Variants in CEP85L observed in about 807,000 individuals in gnomAD.
The protein encoded by CEP85L is centrosomal protein of 85 kDa-like.
CEP85L carries 60 observed loss-of-function variants against 100.3 expected under a neutral mutation model. The observed-to-expected ratio is 0.60, with a 90% CI of 0.49 to 0.74. CEP85L has a LOEUF of 0.74. Ranked by LOEUF, CEP85L falls within the 30% of genes least tolerant of loss-of-function variation. The pLI is 0.00. For synonymous variants in CEP85L, 319 were observed against 322.7 expected, an observed-to-expected ratio of 0.99 and a Z score of 0.12; for missense variants, 973 against 936.2, an observed-to-expected ratio of 1.04 and a Z score of -0.51.
Position 118,565,755 on chromosome 6 carries a change from A to G in CEP85L, c.794T>C (p.Ile265Thr), listed in dbSNP as rs770716888. The change falls in exon 3 of 13, where the codon ATT becomes ACT. Residue 265 changes from isoleucine to threonine, a missense_variant. Coordinates refer to ENST00000368491, the MANE Select transcript of CEP85L (RefSeq NM_001042475.3). Reference protein sequence around the residue: ...TYSALPESKPIMTSSEAFEPP... With the variant: ...TYSALPESKPTMTSSEAFEPP... ...TTCAAAAGCCTCTGAGCTTGTCATA[A>G]TGGGCTTGCTTTCAGGTAAGGCACT... is the stretch of plus-strand genomic sequence containing the variant. 1.2e-6 allele frequency: 2 copies of G among 1,614,158 alleles called. No homozygotes were observed. The highest frequency in any genetic ancestry group is 2.7e-5 in the African/African-American group (2 of 75,042).
At chr6:118,696,302 T>C (rs1488734325) in intron 1 of CEP85L, among the ~76,000 whole-genome samples, 1 of 149,836 alleles carries the variant, frequency 6.7e-6, no homozygotes, top group Non-Finnish European at 1.5e-5. Flanking sequence ...GAAAAAGAAA[T>C]GTTAGACAGG....
chr6:118,544,619 A>G (rs541007032), intron 3 of CEP85L, among the ~76,000 whole-genome samples: 1 of 152,238 alleles, frequency 6.6e-6, no homozygotes, highest in African/African-American at 2.4e-5. Flanking sequence ...GGCCTCTCTT[A>G]ATGTCAATGC....
In CEP85L at chr6:118,465,431, T is replaced by G. The variant is rs1772440824; in HGVS notation, c.2392A>C (p.Met798Leu). The G allele has an allele frequency of 6.2e-7, 1 of 1,613,440 alleles. No homozygotes were observed. Among genetic ancestry groups the G allele is most frequent in the Non-Finnish European group, 8.5e-7 (1 of 1,179,534 alleles). The change falls in exon 13 of 13, where the codon ATG becomes CTG. Residue 798 changes from methionine to leucine, a missense_variant. Transcript: ENST00000368491. ...TTISDRYAQD[M>L]GDNCITQ The stretch of plus-strand genomic sequence containing the variant: ...CACTGAGTAATGCAGTTGTCTCCCA[T>G]GTCCTGAGCATAGCGGTCTGATATT...
chr6:118,582,157 A>T (rs1780613078), intron 2 of CEP85L, among the ~76,000 whole-genome samples: 1 of 152,136 alleles, frequency 6.6e-6, no homozygotes, highest in African/African-American at 2.4e-5. Context: ...CAGCTCCTCC[A>T]GCTCCACTAT....
At chr6:118,596,956 C>G (rs185789071) in intron 2 of CEP85L, among the ~76,000 whole-genome samples, 8 of 152,248 alleles carry the variant, frequency 5.3e-5, no homozygotes, top group Admixed American at 5.2e-4. Flanking sequence ...GTGGGAGGGA[C>G]CCAGTGGGAG....
chr6:118,508,873 A>C (rs140435953), intron 5 of CEP85L, among the ~76,000 whole-genome samples: 5 of 152,200 alleles, frequency 3.3e-5, no homozygotes, highest in African/African-American at 9.6e-5. Flanking sequence ...CAAAGATCCA[A>C]AGTTAAAAAA....
intron 6 of CEP85L, among the ~76,000 whole-genome samples, chr6:118,484,979 T>A (rs1360584428): frequency 2.0e-5 from 3 of 152,190 alleles, no homozygotes; most frequent in African/African-American, 4.8e-5. Context: ...TTACTATTGA[T>A]GTCATTTTAG....
At chr6:118,636,340 G>C (rs1477244815) in intron 1 of CEP85L, among the ~76,000 whole-genome samples, 2 of 152,192 alleles carry the variant, frequency 1.3e-5, no homozygotes, top group African/African-American at 4.8e-5. Context: ...CCCAGAATCT[G>C]ACAATTCATG....
Position 118,632,554 on chromosome 6 carries a change from G to C in CEP85L, c.131C>G (p.Thr44Ser), listed in dbSNP as rs529696554. Residue 44 changes from threonine to serine, a missense_variant, in exon 2 of 13, where the codon ACT becomes AGT. By Grantham distance (58) the Thr-to-Ser change is moderately conservative (BLOSUM62 1). This residue lies in a region of CEP85L where 79 missense variants were observed against 73.3 expected (regional missense o/e 1.08). Transcript: ENST00000368491. ...GTTATTTCGATGGTTAGATGGAACAGTTGTGGCCTGCCACAATGATTCATT... is the reference window on the plus strand; with the variant it reads ...GTTATTTCGATGGTTAGATGGAACACTTGTGGCCTGCCACAATGATTCATT... ...PANESLWQATTVPSNHRNNHI... is the reference protein window; with the variant it reads ...PANESLWQATSVPSNHRNNHI... 8.1e-6 allele frequency: 13 copies of C among 1,613,090 alleles called. No homozygotes were observed. The Admixed American group carries it at 1.7e-4, about 21-fold the overall frequency.
chr6:118,526,437 G>A (rs1776968633), intron 3 of CEP85L, among the ~76,000 whole-genome samples: 1 of 152,150 alleles, frequency 6.6e-6, no homozygotes, highest in Non-Finnish European at 1.5e-5. Context: ...TCTTGTACAA[G>A]TCAGTCCCGC....
intron 1 of CEP85L, among the ~76,000 whole-genome samples, chr6:118,709,040 C>T (rs1415331418): frequency 1.3e-5 from 2 of 152,052 alleles, no homozygotes; most frequent in African/African-American, 2.4e-5. Flanking sequence ...AGAATAGCCC[C>T]GATTTTGTAC....
chr6:118,548,691 A>G (rs1203154880), intron 3 of CEP85L, among the ~76,000 whole-genome samples: 33 of 152,080 alleles, frequency 2.2e-4, no homozygotes, highest in Admixed American at 2.2e-3. Context: ...ATTTCTGCCA[A>G]TTAAAAAATC....
intron 8 of CEP85L, among the ~76,000 whole-genome samples, chr6:118,480,784 G>A (rs1447745865): frequency 1.3e-5 from 2 of 152,004 alleles, no homozygotes; most frequent in African/African-American, 2.4e-5. Flanking sequence ...CTTAGGCTCC[G>A]ATGAAGTCCT....
At chr6:118,642,260 A>G (rs1315741438) in intron 1 of CEP85L, among the ~76,000 whole-genome samples, 1 of 152,180 alleles carries the variant, frequency 6.6e-6, no homozygotes, top group Non-Finnish European at 1.5e-5. Context: ...CATTTGCTAT[A>G]CCCTACCCTT....
chr6:118,465,180 T>A lies in CEP85L; in HGVS notation c.*225A>T, dbSNP rs1376662153. ...GAGAATATAGACATTTTTTTCCTTG[T>A]AGATTTTATCATATTTTCCAAAGGT... is the stretch of plus-strand genomic sequence containing the variant. On this transcript the variant is annotated 3_prime_UTR_variant, in exon 13 of 13. Transcript: ENST00000368491. 2.2e-6 allele frequency: 1 copy of A among 464,822 alleles called. No homozygotes were observed. Among genetic ancestry groups the A allele is most frequent in the African/African-American group, 2.0e-5 (1 of 50,076 alleles). The allele number at this position is 464,822 out of a possible 1,614,324, so 28.8% of individuals were successfully genotyped here. A position where few individuals can be genotyped will look rare whatever the true frequency, so the allele number is the denominator to read the frequency against.
At chr6:118,624,598 TTAAAAC>T (rs924386848) in intron 2 of CEP85L, among the ~76,000 whole-genome samples, 66 of 152,298 alleles carry the variant, frequency 4.3e-4, no homozygotes, top group African/African-American at 1.5e-3. Context: ...AGGATATTGT[TTAAAAC>T]TAAATCAGGG....
chr6:118,600,330 TGTGTG>T (rs1781702069), intron 2 of CEP85L, among the ~76,000 whole-genome samples: 1 of 118,598 alleles, frequency 8.4e-6, no homozygotes, highest in African/African-American at 3.1e-5. Flanking sequence ...TGTGTGTGTG[TGTGTG>T]TGTGTGTGTG....
rs149495517 is a variant in CEP85L at position 118,464,625 on chromosome 6, G to A, written c.*780C>T. ...ATATAAAACATATAAATAAAAAATT[G>A]TAAATAGTAAGGAACATGTTAAAAT... is the stretch of plus-strand genomic sequence containing the variant. On this transcript the variant is annotated 3_prime_UTR_variant, in exon 13 of 13. Coordinates refer to ENST00000368491, the MANE Select transcript of CEP85L (RefSeq NM_001042475.3). 1,501 of 151,758 alleles carry A rather than the reference G, an allele frequency of 9.9e-3. 36 individuals are homozygous for A. Among genetic ancestry groups the A allele is most frequent in the African/African-American group, 0.034 (1,388 of 41,422 alleles). The allele number at this position is 151,758 out of a possible 1,614,324, so 9.4% of individuals were successfully genotyped here. A position where few individuals can be genotyped will look rare whatever the true frequency, so the allele number is the denominator to read the frequency against.
chr6:118,488,889 G>C (rs1774366467), intron 6 of CEP85L, among the ~76,000 whole-genome samples: 1 of 152,172 alleles, frequency 6.6e-6, no homozygotes, highest in Admixed American at 6.5e-5. Context: ...AGAGAAAGTG[G>C]GATGATAAAC....
Sources: gnomAD v4.1 joint callset for allele counts (sites outside exome capture counted in the v4.1 genomes callset) on GRCh38, gnomAD v4.1.1 for gene constraint, gnomAD v4.1.1 regional missense constraint, MANE v1.5 for transcripts, NCBI Gene and HGNC (gene_info 2026-07-23, HGNC 2026-07-21) for gene names.